SLC9A6: variants seen among roughly 807,000 people sequenced by gnomAD.
SLC9A6 encodes solute carrier family 9 member A6.
A neutral mutation model predicts 45.3 loss-of-function variants in SLC9A6; 6 were observed. The observed-to-expected ratio is 0.13, with a 90% CI of 0.07 to 0.26. The LOEUF (loss-of-function observed/expected upper bound fraction) is 0.26. Ranked by LOEUF, SLC9A6 falls within the 10% of genes least tolerant of loss-of-function variation. The pLI, the probability that SLC9A6 is intolerant of heterozygous loss-of-function variation, is 1.00. For synonymous variants in SLC9A6, 191 were observed against 187.7 expected (o/e 1.02, Z -0.14); for missense variants, 278 against 503.7 (o/e 0.55, Z 4.29).
chrX:135,996,734 T>A (rs2148146742), intron 3 of SLC9A6, among the ~76,000 whole-genome samples: 1 of 111,710 alleles, frequency 9.0e-6, no homozygotes, highest in Non-Finnish European at 1.9e-5. Flanking sequence ...CATTCATTTA[T>A]TTTTTGTTGT....
chrX:135,976,186 T>A lies in SLC9A6; in HGVS notation c.-57+1403T>A, dbSNP rs1450256227. On this transcript the variant is annotated intron_variant, in intron 1 of 16. Transcript: ENST00000636092. Reference sequence around the variant, plus strand: ...TGGATGTCAAGTGCAGTATAATGCATTCCTTACAAATGTAGTTCTATTTAT... The same window carrying A: ...TGGATGTCAAGTGCAGTATAATGCAATCCTTACAAATGTAGTTCTATTTAT... Among the ~76,000 whole-genome samples, 3 of 111,128 alleles carry A rather than the reference T, an allele frequency of 2.7e-5. No individual in the cohort carries two copies. The Admixed American group carries it at 2.9e-4, about 11-fold the overall frequency.
chrX:136,004,754 A>G (rs1261288084), intron 7 of SLC9A6, among the ~76,000 whole-genome samples: 1 of 112,263 alleles, frequency 8.9e-6, no homozygotes, highest in Non-Finnish European at 1.9e-5. Flanking sequence ...GTCTGCAACT[A>G]ATATAAATTT....
intron 16 of SLC9A6, among the ~76,000 whole-genome samples, chrX:136,033,831 T>G (rs1556621458): frequency 8.9e-6 from 1 of 112,051 alleles, no homozygotes; most frequent in Non-Finnish European, 1.9e-5. Flanking sequence ...AGAAGGTATT[T>G]CTTGGTTCTT....
chrX:136,027,462 A>T (rs1242796730), intron 13 of SLC9A6, among the ~76,000 whole-genome samples: 4 of 111,844 alleles, frequency 3.6e-5, no homozygotes, highest in Non-Finnish European at 7.5e-5. Context: ...TGGCCGGAGT[A>T]TAGTGACTGA....
At chrX:135,981,492 G>T (rs2089285248), upstream of SLC9A6, among the ~76,000 whole-genome samples, 1 of 111,049 alleles carries the variant, frequency 9.0e-6, no homozygotes, top group Admixed American at 9.6e-5. Context: ...CAGCCTGAGG[G>T]CATCCTGGAA....
In SLC9A6 at chrX:135,985,665, G is replaced by C; in HGVS notation, c.7G>C (p.Glu3Gln). 8.3e-7 allele frequency: 1 copy of C among 1,211,961 alleles called. No individual in the cohort carries two copies. The highest frequency in any genetic ancestry group is 1.1e-6 in the Non-Finnish European group (1 of 895,520). Residue 3 changes from glutamate (E) to glutamine (Q), a missense_variant, in exon 2 of 18, where the codon GAG becomes CAG. Glu to Gln is a conservative substitution (Grantham distance 29, BLOSUM62 2). This residue lies in a region of SLC9A6 where 118 missense variants were observed against 209.9 expected (regional missense o/e 0.56). Transcript: ENST00000630721. MD[E>Q]EIVSEKQAEE... ...CGGCGGAGAGGCTAGAGCCATGGAC[G>C]AGGAGATCGTGTCCGAGAAGCAAGC...
intron 2 of SLC9A6, among the ~76,000 whole-genome samples, chrX:135,991,155 A>G (rs1281897447): frequency 6.3e-5 from 7 of 111,723 alleles, no homozygotes; most frequent in Admixed American, 4.7e-4. Flanking sequence ...TCATTATACT[A>G]CTGTTCACGA....
chrX:135,985,291 C>A (rs970833614), upstream of SLC9A6: 4 of 289,973 alleles, frequency 1.4e-5, no homozygotes, highest in African/African-American at 1.1e-4. Flanking sequence ...CTTTCATTCC[C>A]GGCAGCGCCT....
intron 9 of SLC9A6, 126 bp from the exon 10 acceptor site, chrX:136,013,223 C>G (rs2070956493): frequency 2.7e-6 from 2 of 744,511 alleles, no homozygotes; most frequent in East Asian, 6.4e-5. Context: ...AGTGGTTCCT[C>G]TTAACAAAGT....
At chrX:136,023,163 G>GTATATA (rs35106450) in intron 12 of SLC9A6, among the ~76,000 whole-genome samples, 20 of 25,001 alleles carry the variant, frequency 8.0e-4, no homozygotes, top group South Asian at 5.6e-3. Flanking sequence ...AAAAGAAAAT[G>GTATATA]TATATATATA....
intron 7 of SLC9A6, among the ~76,000 whole-genome samples, chrX:136,005,788 C>G (rs1298455038): frequency 9.0e-6 from 1 of 111,403 alleles, no homozygotes; most frequent in Non-Finnish European, 1.9e-5. Context: ...GAGAATGAAG[C>G]CTTATAGGAA....
At chrX:135,976,653 G>C (rs2089264807) in intron 1 of SLC9A6, among the ~76,000 whole-genome samples, 1 of 110,985 alleles carries the variant, frequency 9.0e-6, no homozygotes, top group Non-Finnish European at 1.9e-5. Flanking sequence ...CAATTTATCT[G>C]AAGCAGAAAA....
chrX:136,043,663 CATT>C (rs782298980), intron 17 of SLC9A6, among the ~76,000 whole-genome samples: 1 of 111,994 alleles, frequency 8.9e-6, no homozygotes, highest in Non-Finnish European at 1.9e-5. Context: ...AATATATACT[CATT>C]ATAATAAAAT....
intron 8 of SLC9A6, among the ~76,000 whole-genome samples, chrX:136,011,886 C>G (rs781874242): frequency 1.3e-4 from 14 of 110,777 alleles, no homozygotes; most frequent in South Asian, 1.2e-3. Flanking sequence ...GTCGGGAGAT[C>G]GAGACCATCC....
At chrX:136,033,994 A>G (rs184676417) in intron 16 of SLC9A6, among the ~76,000 whole-genome samples, 71 of 111,688 alleles carry the variant, frequency 6.4e-4, no homozygotes, top group African/African-American at 2.2e-3. Flanking sequence ...TCTGTTCAGC[A>G]TGCCACAGAT....
intron 1 of SLC9A6, among the ~76,000 whole-genome samples, chrX:135,977,469 A>G (rs1415459063): frequency 4.5e-5 from 5 of 112,000 alleles, no homozygotes; most frequent in African/African-American, 1.6e-4. Context: ...TCCATTTTCC[A>G]TGCAGATTCT....
chrX:136,013,698 C>G (rs1341116657), intron 10 of SLC9A6, among the ~76,000 whole-genome samples: 1 of 111,418 alleles, frequency 9.0e-6, no homozygotes, highest in Non-Finnish European at 1.9e-5. Context: ...TTCCCTTTTT[C>G]TCAGTGTTTT....
At chrX:135,985,954 C>T (rs2089330429) in intron 2 of SLC9A6, 127 bp downstream of exon 2, 2 of 808,097 alleles carry the variant, frequency 2.5e-6, no homozygotes, top group Non-Finnish European at 3.6e-6. Context: ...CCATTTTCTG[C>T]CTCGCCTTCC....
chrX:136,006,631 G>A (rs934176233), intron 7 of SLC9A6, among the ~76,000 whole-genome samples: 5 of 110,113 alleles, frequency 4.5e-5, no homozygotes, highest in African/African-American at 6.6e-5. Context: ...TGTTAGATAC[G>A]GTATATGTAG....
Sources: gnomAD v4.1 joint callset for allele counts (sites outside exome capture counted in the v4.1 genomes callset) on GRCh38, gnomAD v4.1.1 for gene constraint, gnomAD v4.1.1 regional missense constraint, MANE v1.5 for transcripts, NCBI Gene and HGNC (gene_info 2026-07-23, HGNC 2026-07-21) for gene names.